The following RIMS2 variants were observed in gnomAD, a reference collection of about 807,000 sequenced individuals.
RIMS2 encodes the protein regulating synaptic membrane exocytosis protein 2.
RIMS2 carries 59 observed loss-of-function variants against 174.4 expected under a neutral mutation model. That is an observed-to-expected ratio of 0.34 (90% confidence interval 0.27 to 0.42). The LOEUF (loss-of-function observed/expected upper bound fraction) is 0.42. Ranked by LOEUF, RIMS2 falls within the 10% of genes least tolerant of loss-of-function variation. The probability of loss-of-function intolerance (pLI) is 1.00; values close to 1 mark genes in which losing one functional copy is unlikely to be tolerated. For synonymous variants in RIMS2, 606 were observed against 572.5 expected (o/e 1.06, Z -0.84); for missense variants, 1,620 against 1,666.3 (o/e 0.97, Z 0.48).
At chr8:104,155,638 C>T (rs944031734) in intron 19 of RIMS2, among the ~76,000 whole-genome samples, 16 of 151,618 alleles carry the variant, frequency 1.1e-4, no homozygotes, top group African/African-American at 3.9e-4. Flanking sequence ...TGGTCTTGAT[C>T]TCTTGACCTG....
chr8:104,184,685 T>C (rs547937824), intron 19 of RIMS2, among the ~76,000 whole-genome samples: 1 of 151,590 alleles, frequency 6.6e-6, no homozygotes, highest in Non-Finnish European at 1.5e-5. Context: ...ACTTTTATTT[T>C]GTTTTGTTTT....
chr8:104,062,520 A>G (rs1203103495), intron 19 of RIMS2, among the ~76,000 whole-genome samples: 2 of 152,222 alleles, frequency 1.3e-5, no homozygotes, highest in Non-Finnish European at 2.9e-5. Context: ...CTCATGAGAC[A>G]TATTAGCAAT....
intron 3 of RIMS2, among the ~76,000 whole-genome samples, chr8:103,793,680 A>C (rs1009012952): frequency 1.3e-5 from 2 of 152,098 alleles, no homozygotes; most frequent in Middle Eastern, 3.4e-3. Flanking sequence ...ACATAGAAAA[A>C]CCCCATTGTC....
chr8:103,830,867 A>G (rs1323061478), intron 3 of RIMS2, among the ~76,000 whole-genome samples: 1 of 152,160 alleles, frequency 6.6e-6, no homozygotes, highest in Non-Finnish European at 1.5e-5. Context: ...GCAGTGCAGT[A>G]GTGCAGCCTT....
intron 19 of RIMS2, among the ~76,000 whole-genome samples, chr8:104,070,264 A>G (rs1473350706): frequency 2.0e-5 from 3 of 152,184 alleles, no homozygotes; most frequent in Admixed American, 2.0e-4. Context: ...ATTATTACCA[A>G]CATGGTGCAT....
At chr8:103,683,448 G>C (rs947044512) in intron 1 of RIMS2, among the ~76,000 whole-genome samples, 1 of 152,140 alleles carries the variant, frequency 6.6e-6, no homozygotes, top group Non-Finnish European at 1.5e-5. Context: ...TGAGATATCT[G>C]TCCACATAAC....
chr8:104,059,593 CT>C (rs1191392948), intron 19 of RIMS2, among the ~76,000 whole-genome samples: 1 of 139,868 alleles, frequency 7.1e-6, no homozygotes, highest in Non-Finnish European at 1.6e-5. Flanking sequence ...CTGGCCAGAA[CT>C]TCCAACACTA....
intron 1 of RIMS2, among the ~76,000 whole-genome samples, chr8:103,626,340 TTGATG>T (rs1470358100): frequency 6.6e-6 from 1 of 152,116 alleles, no homozygotes. Flanking sequence ...CAGTTTTTGT[TTGATG>T]TGTATAAAAA....
At chr8:104,171,186 T>C (rs763106411) in intron 19 of RIMS2, among the ~76,000 whole-genome samples, 1 of 152,154 alleles carries the variant, frequency 6.6e-6, no homozygotes, top group African/African-American at 2.4e-5. Context: ...TGTCCAGATC[T>C]CTAGCAAGGC....
Position 103,697,080 on chromosome 8 carries a change from C to G in RIMS2, c.177-6C>G, listed in dbSNP as rs1263202507. On this transcript the variant is annotated splice_polypyrimidine_tract_variant and splice_region_variant and intron_variant, in intron 1 of 23. Coordinates refer to ENST00000504942, the Ensembl canonical transcript of RIMS2. Reference sequence around the variant, plus strand: ...CAACTTTTTTTCTTATCTATTTTCTCTGCAGAAAACTGCATCAGCAGTTTG... The same window carrying G: ...CAACTTTTTTTCTTATCTATTTTCTGTGCAGAAAACTGCATCAGCAGTTTG... 1.9e-6 allele frequency: 3 copies of G among 1,604,506 alleles called. No individual in the cohort carries two copies. The South Asian group carries it at 3.3e-5, about 18-fold the overall frequency.
chr8:104,208,460 C>T (rs747004446), intron 19 of RIMS2, among the ~76,000 whole-genome samples: 8 of 151,526 alleles, frequency 5.3e-5, no homozygotes, highest in South Asian at 4.2e-4. Flanking sequence ...CCCAGCTACT[C>T]GGGAGTCTGA....
rs191165939 is a variant in RIMS2 at position 103,955,698 on chromosome 8, G to C, written c.2702-5367G>C. Among the ~76,000 whole-genome samples the C allele has an allele frequency of 2.2e-4, 33 of 152,290 alleles. No homozygotes were observed. The East Asian group carries it at 5.8e-3, about 27-fold the overall frequency. On this transcript the variant is annotated intron_variant, in intron 14 of 23. Transcript: ENST00000504942. ...CCCTTTGAAAACTGGCACAAGACAA[G>C]GATGCCCTCTCTCACCACTCCTATT...
At chr8:103,688,850 C>T (rs962715277) in intron 1 of RIMS2, among the ~76,000 whole-genome samples, 1 of 49,872 alleles carries the variant, frequency 2.0e-5, no homozygotes, top group Non-Finnish European at 3.5e-5. Flanking sequence ...TCTGATTTCA[C>T]TGATTTCTGC....
intron 19 of RIMS2, among the ~76,000 whole-genome samples, chr8:104,158,327 T>C (rs1459646437): frequency 6.6e-6 from 1 of 152,328 alleles, no homozygotes; most frequent in African/African-American, 2.4e-5. Flanking sequence ...TTCCAAGTCT[T>C]TGCTATTGTG....
intron 12 of RIMS2, among the ~76,000 whole-genome samples, chr8:103,935,381 T>C (rs547200680): frequency 6.6e-6 from 1 of 152,352 alleles, no homozygotes; most frequent in South Asian, 2.1e-4. Context: ...GTCATCTTTC[T>C]GCCATGTTAT....
intron 1 of RIMS2, among the ~76,000 whole-genome samples, chr8:103,659,280 G>A (rs1283276847): frequency 6.6e-6 from 1 of 152,132 alleles, no homozygotes; most frequent in African/African-American, 2.4e-5. Context: ...GCCTAGTGTA[G>A]AGAAAATGCT....
chr8:104,200,007 C>A (rs149307231), intron 19 of RIMS2, among the ~76,000 whole-genome samples: 2 of 152,056 alleles, frequency 1.3e-5, no homozygotes, highest in Non-Finnish European at 2.9e-5. Flanking sequence ...GACTAGAAAC[C>A]CTGTCATGAT....
intron 3 of RIMS2, among the ~76,000 whole-genome samples, chr8:103,873,456 A>G (rs1324900874): frequency 2.0e-5 from 3 of 152,126 alleles, no homozygotes; most frequent in Non-Finnish European, 1.5e-5. Context: ...TGTCAGTAAT[A>G]GAAGTAATAT....
chr8:104,152,324 A>T (rs1361750842), intron 19 of RIMS2, among the ~76,000 whole-genome samples: 1 of 152,162 alleles, frequency 6.6e-6, no homozygotes, highest in Non-Finnish European at 1.5e-5. Flanking sequence ...TAAAATTTGC[A>T]GTTATTCATA....
Sources: gnomAD v4.1 joint callset for allele counts (sites outside exome capture counted in the v4.1 genomes callset) on GRCh38, gnomAD v4.1.1 for gene constraint, MANE v1.5 for transcripts, NCBI Gene and HGNC (gene_info 2026-07-23, HGNC 2026-07-21) for gene names.